POLR1A: variants seen among roughly 807,000 people sequenced by gnomAD.
POLR1A encodes the protein RNA polymerase I subunit A.
Under a neutral mutation model 205.3 loss-of-function variants are expected in POLR1A, and 84 were observed. The ratio of observed to expected loss-of-function variants is 0.41; its 90% confidence interval spans 0.34 to 0.49. The LOEUF is 0.49. Ranked by LOEUF, POLR1A falls within the 20% of genes least tolerant of loss-of-function variation. The probability of loss-of-function intolerance (pLI) is 0.22; values close to 1 mark genes in which losing one functional copy is unlikely to be tolerated. For synonymous variants in POLR1A, 799 were observed against 863.7 expected (o/e 0.93, Z 1.31); for missense variants, 1,645 against 2,204.5 (o/e 0.75, Z 5.08).
chr2:86,067,473 G>C lies in POLR1A; in HGVS notation c.1867-2008C>G, dbSNP rs143725273. ...TTAGTCCAAAAAGTAACACATAAAT[G>C]AAAAGTTTAACTGTTTTCATGGAAA... On this transcript the variant is annotated intron_variant, in intron 13 of 33. Transcript: ENST00000263857. Among the ~76,000 whole-genome samples the C allele has an allele frequency of 7.9e-4, 120 of 152,152 alleles. 3 individuals are homozygous for C. The East Asian group carries it at 0.019, about 24-fold the overall frequency.
chr2:86,060,890 G>A (rs1314583834), intron 14 of POLR1A, among the ~76,000 whole-genome samples: 1 of 152,026 alleles, frequency 6.6e-6, no homozygotes, highest in East Asian at 1.9e-4. Context: ...CCAAGTAGAA[G>A]GTATTTGCAA....
chr2:86,092,132 AAAAT>A (rs1188404289), intron 3 of POLR1A, among the ~76,000 whole-genome samples: 4 of 152,154 alleles, frequency 2.6e-5, no homozygotes, highest in African/African-American at 9.7e-5. Context: ...TAAATAAATA[AAAAT>A]AAATAAATAA....
Position 86,054,343 on chromosome 2 carries a change from G to C in POLR1A, c.2059-54C>G, listed in dbSNP as rs187042163. The C allele has an allele frequency of 2.4e-3, 3,803 of 1,584,320 alleles. 6 individuals are homozygous for C. Among genetic ancestry groups the C allele is most frequent in the Non-Finnish European group, 3.0e-3 (3,452 of 1,157,378 alleles). ...GCAAAAAGAAAAGTGATGGCAAAAT[G>C]AGGACAAACTGATGGCAAAAAGAAG... On this transcript the variant is annotated intron_variant, in intron 14 of 33. Transcript: ENST00000263857.
intron 31 of POLR1A, among the ~76,000 whole-genome samples, chr2:86,029,291 G>C (rs1419689669): frequency 6.6e-6 from 1 of 152,130 alleles, no homozygotes; most frequent in Non-Finnish European, 1.5e-5. Flanking sequence ...TCATTGGTGG[G>C]GGCAGAAGTG....
At chr2:86,083,020 A>G in intron 7 of POLR1A, 62 bp downstream of exon 7, 3 of 1,212,204 alleles carry the variant, frequency 2.5e-6, no homozygotes, top group Admixed American at 1.7e-5. Flanking sequence ...GGCAGGGTTA[A>G]TGAGTCCAGG....
chr2:86,105,223 G>T (rs1467714972), intron 1 of POLR1A, among the ~76,000 whole-genome samples: 1 of 152,178 alleles, frequency 6.6e-6, no homozygotes, highest in Non-Finnish European at 1.5e-5. Flanking sequence ...ATGCTACCTT[G>T]ATCAAAATGA....
At chr2:86,038,672 CA>C (rs1672542489) in intron 27 of POLR1A, 27 bp downstream of exon 27, 1 of 1,610,230 alleles carries the variant, frequency 6.2e-7, no homozygotes, top group Admixed American at 1.7e-5. Context: ...GGGTCAAGGT[CA>C]ATGACAATCA....
rs1321476469 is a variant in POLR1A at position 86,090,064 on chromosome 2, CA to C, written c.433-136del. ...AAAAGAAACTATGGCTACTGTGTTG[CA>C]CTTTCAAAAGAGTGAGACAGCATCG... On this transcript the variant is annotated intron_variant, in intron 3 of 33. Transcript: ENST00000263857. The C allele has an allele frequency of 1.2e-5, 7 of 605,404 alleles. No homozygotes were observed. The African/African-American group carries it at 1.3e-4, about 11-fold the overall frequency. The allele number at this position is 605,404 out of a possible 1,614,324, so 37.5% of individuals were successfully genotyped here.
rs1423396610 is a variant in POLR1A, at chr2:86,031,342, G to A, written c.4566C>T (p.Ser1522=). ...IDDYQYDTEE[S]LWCQVTVKLP... is the part of the protein sequence containing the mutation. Reference sequence around the variant, plus strand: ...CGGCCACACTGACCTGGCACCACAGGCTCTCCTCGGTGTCGTACTGGTAGT... The same window carrying A: ...CGGCCACACTGACCTGGCACCACAGACTCTCCTCGGTGTCGTACTGGTAGT... Residue 1522 remains serine, a synonymous_variant, in exon 30 of 34, where the codon AGC becomes AGT. Coordinates refer to ENST00000263857, the MANE Select transcript of POLR1A (RefSeq NM_015425.6). 6.4e-7 allele frequency: 1 copy of A among 1,553,692 alleles called. No individual in the cohort carries two copies. The highest frequency in any genetic ancestry group is 1.4e-5 in the African/African-American group (1 of 73,248).
chr2:86,095,298 TA>T (rs1348975182), intron 3 of POLR1A, among the ~76,000 whole-genome samples: 1 of 151,998 alleles, frequency 6.6e-6, no homozygotes, highest in Non-Finnish European at 1.5e-5. Context: ...TGACAAGAAA[TA>T]AGACAAAGAT....
chr2:86,098,392 T>C (rs140606638), intron 3 of POLR1A, among the ~76,000 whole-genome samples: 1,931 of 152,338 alleles, frequency 0.013, 17 homozygotes, highest in Middle Eastern at 0.048. Context: ...AGCTCATAAA[T>C]GGATTAAATG....
chr2:86,029,396 A>T (rs1672338580), intron 31 of POLR1A, among the ~76,000 whole-genome samples: 1 of 152,140 alleles, frequency 6.6e-6, no homozygotes, highest in African/African-American at 2.4e-5. Context: ...GGGGAAACCC[A>T]GAAAGTTCTG....
At chr2:86,042,828 A>G in intron 23 of POLR1A, 146 bp downstream of exon 23, 1 of 667,154 alleles carries the variant, frequency 1.5e-6, no homozygotes, top group Non-Finnish European at 2.7e-6. Context: ...TTACATTCCC[A>G]TTTGAGAGCC....
Position 86,098,643 on chromosome 2 carries a change from C to CT in POLR1A, c.399dup (p.Ala134SerfsTer6). On this transcript the variant is annotated frameshift_variant, in exon 3 of 34. Transcript: ENST00000263857. LOFTEE classifies it high-confidence loss of function. ...AGAATTCTCTCAAGCTCGTAGACTG[C>CT]TTGTAGGGCCCCGACTTCCAGAACC... is the stretch of plus-strand genomic sequence containing the variant. 6.2e-7 allele frequency: 1 copy of CT among 1,613,628 alleles called. No homozygotes were observed. Among genetic ancestry groups the CT allele is most frequent in the Non-Finnish European group, 8.5e-7 (1 of 1,179,870 alleles).
chr2:86,043,246 A>G, intron 22 of POLR1A, 51 bp from the exon 23 acceptor site: 2 of 1,475,266 alleles, frequency 1.4e-6, no homozygotes, highest in Non-Finnish European at 1.9e-6. Flanking sequence ...CATGAGATCA[A>G]AGAGATGAGG....
chr2:86,095,514 A>C lies in POLR1A; in HGVS notation c.432+3097T>G, dbSNP rs1056959540. Among the ~76,000 whole-genome samples the C allele has an allele frequency of 3.9e-5, 6 of 152,352 alleles. No individual in the cohort carries two copies. In the East Asian group the frequency reaches 9.6e-4, roughly 24 times the overall value. On this transcript the variant is annotated intron_variant, in intron 3 of 33. Coordinates refer to ENST00000263857, the MANE Select transcript of POLR1A (RefSeq NM_015425.6). Reference sequence around the variant, plus strand: ...TCAATAACATTTTTACATATCAACAAACAAAATGAAATTTTAAATAAGGTA... The same window carrying C: ...TCAATAACATTTTTACATATCAACACACAAAATGAAATTTTAAATAAGGTA...
chr2:86,023,952 G>C lies in POLR1A; in HGVS notation c.*3471C>G, dbSNP rs1305239893. 2 of 152,404 alleles carry C rather than the reference G, an allele frequency of 1.3e-5. No individual in the cohort carries two copies. Among genetic ancestry groups the C allele is most frequent in the Non-Finnish European group, 2.9e-5 (2 of 68,210 alleles). 9.4% of individuals were successfully genotyped at this position (152,404 alleles called of 1,614,324 possible). On this transcript the variant is annotated 3_prime_UTR_variant, in exon 34 of 34. Transcript: ENST00000263857. ...TTTAGTAGAGATGGGGTTTTGCCAT[G>C]TTGGCCAGGGTGGTCTCGAATCCTG...
intron 4 of POLR1A, 34 bp downstream of exon 4, chr2:86,089,787 CA>C: frequency 1.5e-6 from 2 of 1,290,414 alleles, no homozygotes; most frequent in Non-Finnish European, 1.1e-6. Flanking sequence ...AAATGATGCC[CA>C]AAACAGCATG....
chr2:86,044,899 T>A (rs1672683758), intron 21 of POLR1A, among the ~76,000 whole-genome samples: 1 of 152,166 alleles, frequency 6.6e-6, no homozygotes, highest in African/African-American at 2.4e-5. Context: ...ACAGTGGGCT[T>A]CCCAGCAGTC....
Sources: gnomAD v4.1 joint callset for allele counts (sites outside exome capture counted in the v4.1 genomes callset) on GRCh38, gnomAD v4.1.1 for gene constraint, MANE v1.5 for transcripts, NCBI Gene and HGNC (gene_info 2026-07-23, HGNC 2026-07-21) for gene names.